The following ATXN2 variants were observed in gnomAD, a reference collection of about 807,000 sequenced individuals.
The protein encoded by ATXN2 is ataxin-2.
In ATXN2, 37 loss-of-function variants were observed where a neutral mutation model predicts 138.6. The ratio of observed to expected loss-of-function variants is 0.27; its 90% CI spans 0.21 to 0.35. The LOEUF is 0.35. Ranked by LOEUF, ATXN2 falls within the 10% of genes least tolerant of loss-of-function variation. The probability of loss-of-function intolerance (pLI) is 1.00; values close to 1 mark genes in which losing one functional copy is unlikely to be tolerated. For missense variants in ATXN2, 1,216 were observed against 1,480.3 expected, an observed-to-expected ratio of 0.82 and a Z score of 2.93; for synonymous variants, 549 against 543.7, an observed-to-expected ratio of 1.01 and a Z score of -0.13.
intron 5 of ATXN2, among the ~76,000 whole-genome samples, chr12:111,525,780 G>A (rs542693025): frequency 6.6e-6 from 1 of 151,726 alleles, no homozygotes; most frequent in African/African-American, 2.4e-5. Flanking sequence ...TGCCTCCCGG[G>A]TTCAAGCGAT....
At chr12:111,556,034 A>G (rs1385551074) in intron 1 of ATXN2, 115 bp from the exon 2 acceptor site, 2 of 835,688 alleles carry the variant, frequency 2.4e-6, no homozygotes, top group Non-Finnish European at 3.6e-6. Flanking sequence ...CTGTGGGGAG[A>G]GCTCACCTAA....
intron 20 of ATXN2, among the ~76,000 whole-genome samples, chr12:111,465,729 C>T (rs780518136): frequency 9.6e-5 from 13 of 135,528 alleles, no homozygotes; most frequent in Admixed American, 3.2e-4. Flanking sequence ...GAGATCGCAC[C>T]GCTGCACTTC....
chr12:111,520,750 T>C, intron 7 of ATXN2, 132 bp downstream of exon 7: 1 of 570,936 alleles, frequency 1.8e-6, no homozygotes, highest in East Asian at 3.3e-5. Context: ...TTTATCACAG[T>C]TGGTAATAAG....
intron 18 of ATXN2, among the ~76,000 whole-genome samples, chr12:111,479,576 C>T (rs1877070602): frequency 6.6e-6 from 1 of 152,044 alleles, no homozygotes; most frequent in South Asian, 2.1e-4. Context: ...CTGATACTAA[C>T]ATGAAATTCA....
At chr12:111,599,672 G>C, upstream of ATXN2, 1 of 1,050,184 alleles carries the variant, frequency 9.5e-7, no homozygotes, top group Non-Finnish European at 1.2e-6. Context: ...TGCTTTCTCG[G>C]GGGTCGGGTG....
At chr12:111,529,130 T>TA (rs1566045121) in intron 5 of ATXN2, among the ~76,000 whole-genome samples, 7 of 151,734 alleles carry the variant, frequency 4.6e-5, no homozygotes, top group African/African-American at 1.7e-4. Context: ...AGTCTGGATT[T>TA]TAAAAAAAAA....
chr12:111,456,135 G>A lies in ATXN2; in HGVS notation c.3164C>T (p.Ser1055Leu), dbSNP rs1206647618. ...TGCTGCTGGGAAACTATTCTGTGGC[G>A]ACTGCGTGTTGGAGGCAGGTGTCAT... Reference protein sequence around the residue: ...PSMTPASNTQSPQNSFPAAQQ... With the variant: ...PSMTPASNTQLPQNSFPAAQQ... Residue 1055 changes from serine to leucine, a missense_variant, in exon 23 of 25, where the codon TCG becomes TTG. By Grantham distance (145) the Ser-to-Leu change is moderately radical. Coordinates refer to ENST00000673436, the MANE Select transcript of ATXN2 (RefSeq NM_001372574.1). The A allele has an allele frequency of 5.6e-6, 9 of 1,614,208 alleles. No individual in the cohort carries two copies. The highest frequency in any genetic ancestry group is 3.3e-5 in the South Asian group (3 of 91,076).
chr12:111,485,679 G>A (rs1427968406), intron 17 of ATXN2, 34 bp downstream of exon 17: 3 of 1,610,298 alleles, frequency 1.9e-6, no homozygotes, highest in East Asian at 2.2e-5. Context: ...AAACAATTGG[G>A]GAGGCTAAGT....
chr12:111,571,646 T>TG (rs1287624574), intron 1 of ATXN2, among the ~76,000 whole-genome samples: 1 of 152,096 alleles, frequency 6.6e-6, no homozygotes, highest in East Asian at 1.9e-4. Flanking sequence ...AAAGGTAAAA[T>TG]GGAGTTCTAT....
At chr12:111,512,995 C>T (rs1879631940) in intron 11 of ATXN2, 3 of 219,360 alleles carry the variant, frequency 1.4e-5, no homozygotes, top group Non-Finnish European at 2.7e-5. Context: ...AATAGTGTTA[C>T]ATACTGTGTT....
At chr12:111,561,611 A>C (rs1882690342) in intron 1 of ATXN2, among the ~76,000 whole-genome samples, 1 of 152,128 alleles carries the variant, frequency 6.6e-6, no homozygotes, top group African/African-American at 2.4e-5. Flanking sequence ...AGGCGGGTGG[A>C]TCACCTGAAG....
At chr12:111,480,520 C>A (rs1010404412) in intron 18 of ATXN2, among the ~76,000 whole-genome samples, 3 of 152,108 alleles carry the variant, frequency 2.0e-5, no homozygotes, top group African/African-American at 7.2e-5. Context: ...ACTAAAAATA[C>A]AAAAATTAGC....
Position 111,477,554 on chromosome 12 carries a change from A to G in ATXN2, c.2525-6812T>C, listed in dbSNP as rs187140485. Among the ~76,000 whole-genome samples, 423 of 152,296 alleles carry G rather than the reference A, an allele frequency of 2.8e-3. 4 individuals carry two copies. The highest frequency in any genetic ancestry group is 9.6e-3 in the African/African-American group (400 of 41,564). On this transcript the variant is annotated intron_variant, in intron 18 of 24. Transcript: ENST00000673436. ...GTAAAAGATTTCTTATTATGATACA[A>G]AAAAGCATGAACCTTAAGAGAAAAG... is the stretch of plus-strand genomic sequence containing the variant.
At position 111,516,458 on chromosome 12, in the gene ATXN2, T is replaced by C. The variant is rs984013513; in HGVS notation, c.1166-95A>G. ...AAAAAAAGTAAAATGACAAAAATGATTTCTTGTACATTTTAACCCTTTGAG... is the reference window on the plus strand; with the variant it reads ...AAAAAAAGTAAAATGACAAAAATGACTTCTTGTACATTTTAACCCTTTGAG... On this transcript the variant is annotated intron_variant, in intron 9 of 24. Coordinates refer to ENST00000673436, the MANE Select transcript of ATXN2 (RefSeq NM_001372574.1). The surrounding 1 kb of genome is among the most constrained non-coding windows in gnomAD (Gnocchi z 5.0). The C allele has an allele frequency of 8.4e-7, 1 of 1,187,098 alleles. No homozygotes were observed. The highest frequency in any genetic ancestry group is 1.2e-6 in the Non-Finnish European group (1 of 848,234). 73.5% of individuals were successfully genotyped at this position (1,187,098 alleles called of 1,614,324 possible).
intron 2 of ATXN2, among the ~76,000 whole-genome samples, chr12:111,554,845 G>C (rs1882306610): frequency 6.6e-6 from 1 of 152,128 alleles, no homozygotes. Flanking sequence ...TAAATAAATG[G>C]GGTAGGAAGC....
chr12:111,554,587 A>G (rs530154808), intron 2 of ATXN2, among the ~76,000 whole-genome samples: 7 of 152,338 alleles, frequency 4.6e-5, no homozygotes, highest in African/African-American at 1.7e-4. Context: ...AGTCAAACCA[A>G]CTAATGGTGT....
intron 3 of ATXN2, among the ~76,000 whole-genome samples, 196 bp from the exon 4 acceptor site, chr12:111,553,173 T>C (rs1391652330): frequency 6.6e-6 from 1 of 152,160 alleles, no homozygotes; most frequent in South Asian, 2.1e-4. Flanking sequence ...TACTCAGAGT[T>C]TGCAGTACGA....
chr12:111,596,024 C>T (rs942789059), intron 1 of ATXN2, among the ~76,000 whole-genome samples: 1 of 152,128 alleles, frequency 6.6e-6, no homozygotes, highest in African/African-American at 2.4e-5. Flanking sequence ...ATGGCAAAAT[C>T]CCGTCCTCAC....
In ATXN2 at chr12:111,584,377, CAAAAAAAAAAAAAA is replaced by C. The variant is rs58678794; in HGVS notation, c.251+14393_251+14406del. ...AGCCTTGGTGACAGAGACCCTGTCTCAAAAAAAAAAAAAAAAAAAAAAAAAAAAAAAAAATTCAT... is the reference window on the plus strand; with the variant it reads ...AGCCTTGGTGACAGAGACCCTGTCTCAAAAAAAAAAAAAAAAAAAATTCAT... On this transcript the variant is annotated intron_variant, in intron 1 of 24. Transcript: ENST00000673436. Among the ~76,000 whole-genome samples the C allele has an allele frequency of 3.5e-3, 155 of 44,764 alleles. 1 individual carries two copies. The highest frequency in any genetic ancestry group is 9.0e-3 in the African/African-American group (126 of 13,978). 29.4% of individuals were successfully genotyped at this position (44,764 alleles called of 152,430 possible).
Sources: gnomAD v4.1 joint callset for allele counts (sites outside exome capture counted in the v4.1 genomes callset) on GRCh38, gnomAD v4.1.1 for gene constraint, Gnocchi (gnomAD v3.1) non-coding constraint, MANE v1.5 for transcripts, NCBI Gene and HGNC (gene_info 2026-07-23, HGNC 2026-07-21) for gene names.